The following EDC3 variants were observed in gnomAD, a reference collection of about 807,000 sequenced individuals.
EDC3 encodes enhancer of mRNA-decapping protein 3.
In EDC3, 20 loss-of-function variants were observed where a neutral mutation model predicts 41.8. That is an observed-to-expected ratio of 0.48 (90% CI 0.34 to 0.70). EDC3 has a LOEUF of 0.70. Ranked by LOEUF, EDC3 falls within the 30% of genes least tolerant of loss-of-function variation. The pLI is 0.01. For missense variants in EDC3, 444 were observed against 636.8 expected (o/e 0.70, Z 3.26); for synonymous variants, 206 against 243.2 (o/e 0.85, Z 1.42).
At chr15:74,668,619 C>T (rs1454326730) in intron 3 of EDC3, among the ~76,000 whole-genome samples, 1 of 152,000 alleles carries the variant, frequency 6.6e-6, no homozygotes, top group Non-Finnish European at 1.5e-5. Context: ...ACTCAGGAGG[C>T]TGAGGTGGGA....
At chr15:74,660,451 GTA>G (rs1567167668) in intron 3 of EDC3, among the ~76,000 whole-genome samples, 1 of 150,344 alleles carries the variant, frequency 6.7e-6, no homozygotes, top group African/African-American at 2.5e-5. Context: ...GTGTGTGTGT[GTA>G]TATGAAAATA....
chr15:74,654,708 AT>A lies in EDC3; in HGVS notation c.820+1024del, dbSNP rs112973958. Among the ~76,000 whole-genome samples the A allele has an allele frequency of 1.1e-3, 153 of 145,226 alleles. 2 individuals are homozygous for A. The highest frequency in any genetic ancestry group is 6.7e-3 in the South Asian group (31 of 4,614). ...TCTTTCTTAGCCTGACAGTTGGCCT[AT>A]TTTTTTTTTTCACATGGAAAGCACA... On this transcript the variant is annotated intron_variant, in intron 4 of 6. Transcript: ENST00000315127.
intron 3 of EDC3, among the ~76,000 whole-genome samples, chr15:74,670,422 G>C (rs1439897270): frequency 6.6e-6 from 1 of 151,852 alleles, no homozygotes; most frequent in Non-Finnish European, 1.5e-5. Flanking sequence ...ACACAACTAT[G>C]GTTTTATTTT....
intron 6 of EDC3, chr15:74,634,969 T>C: frequency 2.4e-6 from 1 of 421,562 alleles, no homozygotes; most frequent in Non-Finnish European, 4.8e-6. Flanking sequence ...GACCTGACCC[T>C]GAAATGTCCA....
chr15:74,649,060 A>ATTTTTT (rs1184258510), intron 4 of EDC3, among the ~76,000 whole-genome samples: 1 of 115,954 alleles, frequency 8.6e-6, no homozygotes, highest in African/African-American at 3.5e-5. Flanking sequence ...ACCCTGGCTA[A>ATTTTTT]TTTTTTTTTT....
intron 3 of EDC3, 87 bp from the exon 4 acceptor site, chr15:74,656,155 GT>G: frequency 7.9e-7 from 1 of 1,260,744 alleles, no homozygotes; most frequent in Non-Finnish European, 1.1e-6. Flanking sequence ...TGTGGAGAGT[GT>G]TACAGGAACC....
chr15:74,658,736 C>G (rs1046780936), intron 3 of EDC3, among the ~76,000 whole-genome samples: 2 of 149,400 alleles, frequency 1.3e-5, no homozygotes, highest in African/African-American at 4.9e-5. Context: ...GTCAGGAGAT[C>G]GAGACCATCC....
At chr15:74,667,452 G>A (rs977514775) in intron 3 of EDC3, among the ~76,000 whole-genome samples, 1 of 121,566 alleles carries the variant, frequency 8.2e-6, no homozygotes, top group Non-Finnish European at 1.7e-5. Flanking sequence ...GAGGGAGGGG[G>A]AGAGGGAGGG....
chr15:74,687,526 C>T (rs755053510), intron 1 of EDC3, among the ~76,000 whole-genome samples: 6 of 152,060 alleles, frequency 3.9e-5, no homozygotes, highest in South Asian at 2.1e-4. Context: ...TACAGGCGCC[C>T]GCCACCACAC....
chr15:74,640,537 A>G lies in EDC3; in HGVS notation c.903T>C (p.Leu301=). 1 of 1,614,240 alleles carries G rather than the reference A, an allele frequency of 6.2e-7. No homozygotes were observed. Among genetic ancestry groups the G allele is most frequent in the East Asian group, 2.2e-5 (1 of 44,892 alleles). The part of the protein sequence containing the change: ...LSVAEKHGLT[L]ERRLEMTGVC... ...CACCTGTCATCTCCAGTCTCCGCTC[A>G]AGGGTCAGCCCATGCTTCTCAGCCA... The change falls in exon 5 of 7, where the codon CTT becomes CTC. Residue 301 remains leucine, a synonymous_variant. Transcript: ENST00000315127.
At chr15:74,683,427 C>G (rs1385197845) in intron 1 of EDC3, among the ~76,000 whole-genome samples, 1 of 152,048 alleles carries the variant, frequency 6.6e-6, no homozygotes, top group Admixed American at 6.6e-5. Context: ...CCCAGCTACT[C>G]GGGAGGCTGA....
At chr15:74,641,669 A>C (rs2062353466) in intron 4 of EDC3, 1 of 152,774 alleles carries the variant, frequency 6.5e-6, no homozygotes, top group Non-Finnish European at 1.5e-5. Flanking sequence ...TCCAATCAGC[A>C]AGCCACTGTG....
In EDC3 at chr15:74,655,740, G is replaced by A. The variant is rs2062538878; in HGVS notation, c.813C>T (p.Phe271=). The A allele has an allele frequency of 5.0e-6, 8 of 1,608,664 alleles. No individual in the cohort carries two copies. Among genetic ancestry groups the A allele is most frequent in the Non-Finnish European group, 6.8e-6 (8 of 1,175,562 alleles). ...GGACCTGATGCAACTCACCCGTGCAGAACTCCTTGCTCACGTTGTGGGGCA... is the reference window on the plus strand; with the variant it reads ...GGACCTGATGCAACTCACCCGTGCAAAACTCCTTGCTCACGTTGTGGGGCA... ...IIVPHNVSKE[F]CTDSGLVVPS... The change falls in exon 4 of 7, where the codon TTC becomes TTT. Residue 271 remains phenylalanine, a synonymous_variant. Transcript: ENST00000315127.
At chr15:74,690,482 A>AC (rs1439585693) in intron 1 of EDC3, among the ~76,000 whole-genome samples, 1 of 152,234 alleles carries the variant, frequency 6.6e-6, no homozygotes, top group African/African-American at 2.4e-5. Context: ...GCCACATCAG[A>AC]CAACTCACAG....
chr15:74,665,620 CT>C (rs1298868370), intron 3 of EDC3, among the ~76,000 whole-genome samples: 1 of 152,066 alleles, frequency 6.6e-6, no homozygotes, highest in African/African-American at 2.4e-5. Flanking sequence ...AAAAACTATT[CT>C]TTACATGATT....
At chr15:74,666,524 CT>C (rs2062678463) in intron 3 of EDC3, among the ~76,000 whole-genome samples, 1 of 152,072 alleles carries the variant, frequency 6.6e-6, no homozygotes, top group South Asian at 2.1e-4. Flanking sequence ...AAGAAATGAC[CT>C]ATCAAGTCAC....
Position 74,655,749 on chromosome 15 carries a change from G to A in EDC3, c.804C>T (p.Ser268=). 1 of 1,610,226 alleles carries A rather than the reference G, an allele frequency of 6.2e-7. No individual in the cohort carries two copies. The highest frequency in any genetic ancestry group is 8.5e-7 in the Non-Finnish European group (1 of 1,176,726). The change falls in exon 4 of 7, where the codon AGC becomes AGT. Residue 268 remains serine, a synonymous_variant. Transcript: ENST00000315127. ...GCAACTCACCCGTGCAGAACTCCTT[G>A]CTCACGTTGTGGGGCACTATGATCC... The part of the protein sequence containing the change: ...YRRIIVPHNV[S]KEFCTDSGLV...
chr15:74,661,737 AAAAAAAG>A (rs2062623353), intron 3 of EDC3, among the ~76,000 whole-genome samples: 1 of 149,966 alleles, frequency 6.7e-6, no homozygotes, highest in African/African-American at 2.4e-5. Flanking sequence ...TCTCAAAAAA[AAAAAAAG>A]AAAAAGAAAA....
At chr15:74,667,129 G>A (rs1282963718) in intron 3 of EDC3, among the ~76,000 whole-genome samples, 1 of 151,962 alleles carries the variant, frequency 6.6e-6, no homozygotes, top group Non-Finnish European at 1.5e-5. Context: ...AATGACAATA[G>A]GAGACAGGTT....
Sources: allele counts gnomAD v4.1 joint callset (sites outside exome capture counted in the v4.1 genomes callset), GRCh38; gene constraint gnomAD v4.1.1; transcripts MANE v1.5; gene names NCBI Gene and HGNC (gene_info 2026-07-23, HGNC 2026-07-21).